HSDL1: variants seen among roughly 807,000 people sequenced by gnomAD.
HSDL1 encodes inactive hydroxysteroid dehydrogenase-like protein 1.
In HSDL1, 29 loss-of-function variants were observed where a neutral mutation model predicts 31.5. The ratio of observed to expected loss-of-function variants is 0.92; its 90% CI spans 0.69 to 1.26. The LOEUF is 1.26. HSDL1 is among the 50% of genes most tolerant of loss of function. The pLI is 0.00. For synonymous variants in HSDL1, 222 were observed against 155.2 expected, an observed-to-expected ratio of 1.43 and a Z score of -3.20; for missense variants, 503 against 416.6, an observed-to-expected ratio of 1.21 and a Z score of -1.81.
chr16:84,136,354 C>T (rs1299017640), intron 1 of HSDL1, among the ~76,000 whole-genome samples: 1 of 152,276 alleles, frequency 6.6e-6, no homozygotes, highest in African/African-American at 2.4e-5. Context: ...ACTGTTCTGT[C>T]TCTGACCACC....
chr16:84,130,023 T>A lies in HSDL1; in HGVS notation c.629A>T (p.Lys210Ile). 2 of 1,614,098 alleles carry A rather than the reference T, an allele frequency of 1.2e-6. No homozygotes were observed. The highest frequency in any genetic ancestry group is 1.7e-6 in the Non-Finnish European group (2 of 1,179,960). The change falls in exon 4 of 6, where the codon AAA becomes ATA. Residue 210 changes from lysine (K) to isoleucine (I), a missense_variant. Lys to Ile is a moderately radical substitution (Grantham distance 102, BLOSUM62 -3). Transcript: ENST00000219439. ...AAATGCAGCCAGCTGAGGAGTGGGT[T>A]TGCAGCAGGAGCCAGAAGAGATCGT... ...IVTISSGSCCKPTPQLAAFSA... is the reference protein window; with the variant it reads ...IVTISSGSCCIPTPQLAAFSA...
intron 5 of HSDL1, among the ~76,000 whole-genome samples, chr16:84,128,463 C>A (rs1383924283): frequency 6.6e-6 from 1 of 152,058 alleles, no homozygotes; most frequent in Non-Finnish European, 1.5e-5. Flanking sequence ...CTTTGTCATG[C>A]CTAAACAATA....
rs145921204 is a variant in HSDL1, at chr16:84,139,482, G to T, written c.-68-3877C>A. Among the ~76,000 whole-genome samples the T allele has an allele frequency of 5.8e-3, 883 of 152,260 alleles. 8 individuals are homozygous for T. The highest frequency in any genetic ancestry group is 0.02 in the African/African-American group (850 of 41,530). On this transcript the variant is annotated intron_variant, in intron 1 of 5. Transcript: ENST00000219439. Reference sequence around the variant, plus strand: ...TAGAAGCTGGCAGAGGCAAGGAAAAGGATTCTCCCCTGGAGCCTCCAGAGG... The same window carrying T: ...TAGAAGCTGGCAGAGGCAAGGAAAATGATTCTCCCCTGGAGCCTCCAGAGG...
Position 84,133,355 on chromosome 16 carries a change from A to G in HSDL1, c.-6-2028T>C, listed in dbSNP as rs1317602443. Among the ~76,000 whole-genome samples the G allele has an allele frequency of 3.3e-5, 5 of 152,338 alleles. 1 individual carries two copies. In the East Asian group the frequency reaches 9.6e-4, roughly 29 times the overall value. On this transcript the variant is annotated intron_variant, in intron 2 of 5. Transcript: ENST00000219439. Reference sequence around the variant, plus strand: ...CCTACGATAAGGAAACAATCTCTCTAAAAAAGAAAGTTTCATACTGGTACC... The same window carrying G: ...CCTACGATAAGGAAACAATCTCTCTGAAAAAGAAAGTTTCATACTGGTACC...
rs1304415408 is a variant in HSDL1, at chr16:84,122,839, C to G, written c.*1791G>C. ...ACCAATCAGCATGTTTGCCCATGTC[C>G]TGCCAAGGAGAGAAGTTTACATCAT... On this transcript the variant is annotated 3_prime_UTR_variant, in exon 6 of 6. Coordinates refer to ENST00000219439, the MANE Select transcript of HSDL1 (RefSeq NM_031463.5). 6.6e-6 allele frequency: 1 copy of G among 152,248 alleles called. No individual in the cohort carries two copies. The highest frequency in any genetic ancestry group is 6.5e-5 in the Admixed American group (1 of 15,282). The allele number at this position is 152,248 out of a possible 1,614,324, so 9.4% of individuals were successfully genotyped here.
At chr16:84,130,471 C>A (rs767681966) in intron 3 of HSDL1, 40 bp from the exon 4 acceptor site, 3 of 1,524,402 alleles carry the variant, frequency 2.0e-6, no homozygotes, top group Non-Finnish European at 2.7e-6. Flanking sequence ...GTGTATTTCA[C>A]GGTGTGACCC....
chr16:84,131,780 C>T (rs2086670815), intron 2 of HSDL1, among the ~76,000 whole-genome samples: 1 of 150,516 alleles, frequency 6.6e-6, no homozygotes, highest in East Asian at 2.0e-4. Context: ...CTGGGGTTCA[C>T]GCCATTCTCC....
chr16:84,131,947 C>G (rs947094443), intron 2 of HSDL1, among the ~76,000 whole-genome samples: 4 of 152,226 alleles, frequency 2.6e-5, no homozygotes, highest in African/African-American at 9.6e-5. Flanking sequence ...TCCCAAAGTG[C>G]TGGGATTACA....
chr16:84,142,726 C>T (rs932673628), intron 1 of HSDL1, among the ~76,000 whole-genome samples: 3 of 151,954 alleles, frequency 2.0e-5, no homozygotes, highest in African/African-American at 4.8e-5. Flanking sequence ...TGTGACCGGC[C>T]GGATCTCACA....
At chr16:84,141,045 C>T (rs1253606409) in intron 1 of HSDL1, among the ~76,000 whole-genome samples, 4 of 150,062 alleles carry the variant, frequency 2.7e-5, no homozygotes, top group African/African-American at 1.0e-4. Context: ...GAGCGGAGAT[C>T]GCGCCACAGC....
At position 84,131,090 on chromosome 16, in the gene HSDL1, A is replaced by G; in HGVS notation, c.220+12T>C. ...TCACAGAAAAGATTATTTTGATTAT[A>G]AAGTAGGTTACCGCTGACAACGGCC... On this transcript the variant is annotated intron_variant, in intron 3 of 5. Transcript: ENST00000219439. 6.3e-7 allele frequency: 1 copy of G among 1,587,308 alleles called. No homozygotes were observed. The highest frequency in any genetic ancestry group is 1.1e-5 in the South Asian group (1 of 89,454).
chr16:84,131,576 G>A (rs970158431), intron 2 of HSDL1, among the ~76,000 whole-genome samples: 3 of 151,994 alleles, frequency 2.0e-5, no homozygotes, highest in African/African-American at 7.2e-5. Flanking sequence ...GTGCAGTGGT[G>A]CGATTTTGGC....
chr16:84,128,275 G>A (rs983711062), intron 5 of HSDL1, among the ~76,000 whole-genome samples: 6 of 151,230 alleles, frequency 4.0e-5, no homozygotes, highest in African/African-American at 9.7e-5. Flanking sequence ...GGCAACAAGA[G>A]CGGAATTCCA....
chr16:84,125,872 G>C (rs2086601340), intron 5 of HSDL1, among the ~76,000 whole-genome samples: 1 of 152,242 alleles, frequency 6.6e-6, no homozygotes, highest in Non-Finnish European at 1.5e-5. Context: ...GGGAGGCCGA[G>C]GCGGGTGGAT....
At chr16:84,135,739 G>C (rs1488986976) in intron 1 of HSDL1, 134 bp from the exon 2 acceptor site, 7 of 152,272 alleles carry the variant, frequency 4.6e-5, no homozygotes, top group Admixed American at 3.3e-4. Context: ...ATGAATCTCT[G>C]TAGAGGCAGC....
At chr16:84,141,090 C>CAAAAAAAAAAAAAAAAAAAAA (rs553224060) in intron 1 of HSDL1, among the ~76,000 whole-genome samples, 1 of 136,200 alleles carries the variant, frequency 7.3e-6, no homozygotes, top group African/African-American at 3.6e-5. Context: ...GACTCCGTCT[C>CAAAAAAAAAAAAAAAAAAAAA]AAACAAAAAA....
intron 1 of HSDL1, among the ~76,000 whole-genome samples, chr16:84,142,332 C>G (rs374443269): frequency 3.2e-4 from 48 of 151,514 alleles, no homozygotes; most frequent in African/African-American, 9.2e-4. Flanking sequence ...GAAATTTTTT[C>G]GAATTATTTT....
intron 3 of HSDL1, 137 bp from the exon 4 acceptor site, chr16:84,130,568 C>A (rs1465458222): frequency 5.9e-6 from 4 of 677,906 alleles, no homozygotes; most frequent in African/African-American, 3.6e-5. Flanking sequence ...ATCTACAAGT[C>A]AAGGACACTG....
chr16:84,128,264 G>C (rs1471687955), intron 5 of HSDL1, among the ~76,000 whole-genome samples: 1 of 151,438 alleles, frequency 6.6e-6, no homozygotes, highest in East Asian at 2.0e-4. Context: ...ACTCCAGCCT[G>C]GGCAACAAGA....
Sources: allele counts gnomAD v4.1 joint callset (sites outside exome capture counted in the v4.1 genomes callset), GRCh38; gene constraint gnomAD v4.1.1; transcripts MANE v1.5; gene names NCBI Gene and HGNC (gene_info 2026-07-23, HGNC 2026-07-21).